GLIS3: variants seen among roughly 807,000 people sequenced by gnomAD.
The protein encoded by GLIS3 is GLIS family zinc finger 3.
GLIS3 carries 53 observed loss-of-function variants against 78.6 expected under a neutral mutation model. The ratio of observed to expected loss-of-function variants is 0.67; its 90% CI spans 0.54 to 0.85. The LOEUF (loss-of-function observed/expected upper bound fraction) is 0.85, where lower values mean the gene tolerates loss of function less well. GLIS3 is among the 40% of genes least tolerant of loss of function. The pLI is 0.00. For missense variants in GLIS3, 1,703 were observed against 1,231.1 expected, an observed-to-expected ratio of 1.38 and a Z score of -5.74; for synonymous variants, 684 against 509.9, an observed-to-expected ratio of 1.34 and a Z score of -4.60.
chr9:4,369,836 AAC>A, the GLIS3 span, among the ~76,000 whole-genome samples: 2 of 152,206 alleles, frequency 1.3e-5, no homozygotes, highest in African/African-American at 2.4e-5. Context: ...AAAAAAAATA[AAC>A]AGTTAAAAAG....
chr9:3,965,894 C>G (rs1817902158), intron 4 of GLIS3, among the ~76,000 whole-genome samples: 1 of 152,228 alleles, frequency 6.6e-6, no homozygotes, highest in Admixed American at 6.5e-5. Flanking sequence ...ATAACTATAA[C>G]CACTGTGTAG....
chr9:4,349,810 C>T (rs1817940839), upstream of GLIS3, among the ~76,000 whole-genome samples: 1 of 152,178 alleles, frequency 6.6e-6, no homozygotes, highest in African/African-American at 2.4e-5. Context: ...TTCATGGTGG[C>T]AAGAAGAAAT....
At chr9:4,214,330 G>A (rs757254920) in intron 2 of GLIS3, among the ~76,000 whole-genome samples, 7 of 152,190 alleles carry the variant, frequency 4.6e-5, no homozygotes, top group African/African-American at 7.2e-5. Flanking sequence ...CCCAGCAGGC[G>A]GAGAATTTCT....
intron 4 of GLIS3, among the ~76,000 whole-genome samples, chr9:3,938,231 G>A (rs1361307814): frequency 6.6e-6 from 1 of 152,088 alleles, no homozygotes; most frequent in Admixed American, 6.6e-5. Flanking sequence ...GGGAAACTGA[G>A]AAATACGGAA....
intron 1 of GLIS3, among the ~76,000 whole-genome samples, chr9:4,290,266 G>T (rs953993998): frequency 1.3e-5 from 2 of 152,022 alleles, no homozygotes; most frequent in South Asian, 4.1e-4. Context: ...TATGCCACAA[G>T]CACTTCTTAC....
At chr9:4,386,312 C>A in the GLIS3 span, 1 of 151,918 alleles carries the variant, frequency 6.6e-6, no homozygotes, top group African/African-American at 2.4e-5. Context: ...ATTTTCATAG[C>A]CAAATCTTTT....
chr9:4,214,892 T>C (rs1043790798), intron 2 of GLIS3, among the ~76,000 whole-genome samples: 2 of 152,156 alleles, frequency 1.3e-5, no homozygotes, highest in African/African-American at 4.8e-5. Flanking sequence ...AACTAATCAT[T>C]TATCCAAGAG....
intron 4 of GLIS3, among the ~76,000 whole-genome samples, chr9:4,106,081 T>G (rs1305821274): frequency 1.3e-5 from 2 of 152,166 alleles, no homozygotes; most frequent in Non-Finnish European, 2.9e-5. Flanking sequence ...TTGTCACACC[T>G]TTATAACAAC....
At chr9:4,181,480 A>T (rs10974372) in intron 2 of GLIS3, among the ~76,000 whole-genome samples, 41,505 of 152,106 alleles carry the variant, frequency 0.27, 6,390 homozygotes, top group South Asian at 0.48. Flanking sequence ...GGTGGGACCC[A>T]AAGGCACTAT....
intron 4 of GLIS3, among the ~76,000 whole-genome samples, chr9:4,049,557 C>A (rs1177324347): frequency 6.6e-6 from 1 of 152,112 alleles, no homozygotes; most frequent in Non-Finnish European, 1.5e-5. Context: ...TTCCTTCATT[C>A]TCTTTCATAC....
chr9:4,260,048 G>C (rs900872292), intron 2 of GLIS3, among the ~76,000 whole-genome samples: 3 of 151,976 alleles, frequency 2.0e-5, no homozygotes, highest in African/African-American at 7.2e-5. Flanking sequence ...GAATTAGGTG[G>C]TTCTATAGAA....
chr9:4,332,753 G>T (rs1209539260), intron 2 of GLIS3, among the ~76,000 whole-genome samples: 1 of 152,166 alleles, frequency 6.6e-6, no homozygotes, highest in African/African-American at 2.4e-5. Context: ...TATTGATACA[G>T]ATTAAATTTG....
At chr9:4,174,182 T>G (rs1032412111) in intron 2 of GLIS3, among the ~76,000 whole-genome samples, 1 of 152,124 alleles carries the variant, frequency 6.6e-6, no homozygotes, top group East Asian at 1.9e-4. Flanking sequence ...ACTATAAGAA[T>G]GCAAAAGATA....
chr9:3,991,683 A>AATTTTTTTTTTTG (rs1265317427), intron 4 of GLIS3, among the ~76,000 whole-genome samples: 1 of 87,912 alleles, frequency 1.1e-5, no homozygotes, highest in African/African-American at 5.3e-5. Flanking sequence ...AAGTAGGCTG[A>AATTTTTTTTTTTG]TTTTTTTTTT....
intron 2 of GLIS3, among the ~76,000 whole-genome samples, chr9:4,189,496 G>C (rs1194686667): frequency 6.6e-6 from 1 of 152,174 alleles, no homozygotes; most frequent in African/African-American, 2.4e-5. Flanking sequence ...GAGTTCTGTA[G>C]ATGTCTATTA....
chr9:4,372,845 T>A, the GLIS3 span, among the ~76,000 whole-genome samples: 1 of 152,198 alleles, frequency 6.6e-6, no homozygotes, highest in African/African-American at 2.4e-5. Context: ...CCTGCCACTT[T>A]GGCAGGTATT....
At chr9:4,066,949 C>T (rs1469889733) in intron 4 of GLIS3, among the ~76,000 whole-genome samples, 1 of 152,188 alleles carries the variant, frequency 6.6e-6, no homozygotes, top group African/African-American at 2.4e-5. Context: ...TCTTGTTCAA[C>T]AGCTCTGGCC....
chr9:3,854,765 C>T (rs1037210299), intron 9 of GLIS3, among the ~76,000 whole-genome samples: 9 of 151,508 alleles, frequency 5.9e-5, no homozygotes, highest in African/African-American at 1.7e-4. Context: ...AGGATGGTCT[C>T]GACCTCCTAA....
intron 2 of GLIS3, among the ~76,000 whole-genome samples, chr9:4,131,387 C>T (rs1420287450): frequency 6.6e-6 from 1 of 152,136 alleles, no homozygotes; most frequent in East Asian, 1.9e-4. Flanking sequence ...TCTGTGTCCC[C>T]ACCCAAATCT....
Sources: gnomAD v4.1 joint callset for allele counts (sites outside exome capture counted in the v4.1 genomes callset) on GRCh38, gnomAD v4.1.1 for gene constraint, MANE v1.5 for transcripts, NCBI Gene and HGNC (gene_info 2026-07-23, HGNC 2026-07-21) for gene names.